FBXO3: variants seen among roughly 807,000 people sequenced by gnomAD.
FBXO3 encodes the protein F-box only protein 3.
FBXO3 carries 17 observed loss-of-function variants against 64.8 expected under a neutral mutation model. The ratio of observed to expected loss-of-function variants is 0.26; its 90% CI spans 0.18 to 0.39. The LOEUF (loss-of-function observed/expected upper bound fraction) is 0.39, where lower values mean the gene tolerates loss of function less well. FBXO3 is among the 10% of genes least tolerant of loss of function. The probability of loss-of-function intolerance (pLI) is 1.00; values close to 1 mark genes in which losing one functional copy is unlikely to be tolerated. For missense variants in FBXO3, 420 were observed against 589.9 expected (o/e 0.71, Z 2.98); for synonymous variants, 182 against 201.6 (o/e 0.90, Z 0.82).
intron 3 of FBXO3, among the ~76,000 whole-genome samples, chr11:33,766,310 T>C (rs1015350176): frequency 2.0e-5 from 3 of 152,230 alleles, no homozygotes; most frequent in Non-Finnish European, 4.4e-5. Context: ...TTTCTTCAAC[T>C]TACTAGCATA....
At chr11:33,762,266 G>T (rs1260374174) in intron 3 of FBXO3, among the ~76,000 whole-genome samples, 1 of 152,178 alleles carries the variant, frequency 6.6e-6, no homozygotes, top group Non-Finnish European at 1.5e-5. Context: ...CAGTAAGAGT[G>T]TAGAAGATTT....
intron 4 of FBXO3, among the ~76,000 whole-genome samples, chr11:33,757,669 A>AAAAAAAAAAAAAAAAG (rs1855139533): frequency 7.0e-6 from 1 of 143,022 alleles, no homozygotes; most frequent in Non-Finnish European, 1.5e-5. Context: ...AAAAAAAAAA[A>AAAAAAAAAAAAAAAAG]AAAAAAAAAA....
chr11:33,747,913 T>A (rs1349774344), intron 9 of FBXO3, among the ~76,000 whole-genome samples: 1 of 151,982 alleles, frequency 6.6e-6, no homozygotes, highest in Non-Finnish European at 1.5e-5. Context: ...CATGTTTCTT[T>A]TTCAAAAAGC....
chr11:33,751,698 A>G, intron 6 of FBXO3, 91 bp from the exon 7 acceptor site: 1 of 657,096 alleles, frequency 1.5e-6, no homozygotes, highest in Non-Finnish European at 2.6e-6. Flanking sequence ...TATGCTTTAG[A>G]ATGTGATACC....
At position 33,747,176 on chromosome 11, in the gene FBXO3, C is replaced by T. The variant is rs768286240; in HGVS notation, c.1193G>A (p.Arg398Gln). The T allele has an allele frequency of 1.7e-5, 27 of 1,609,554 alleles. No homozygotes were observed. Among genetic ancestry groups the T allele is most frequent in the Middle Eastern group, 1.7e-4 (1 of 6,034 alleles). The change falls in exon 10 of 11, where the codon CGA becomes CAA. Residue 398 changes from arginine to glutamine, a missense_variant. Coordinates refer to ENST00000265651, the MANE Select transcript of FBXO3 (RefSeq NM_012175.4). ...KDKIFNVAIP[R>Q]FHMACPTFRV... ...GAATGTTGGACATGCCATATGGAAT[C>T]GGGGAATGGCAACATTAAAGATCTT... is the stretch of plus-strand genomic sequence containing the variant.
chr11:33,763,203 T>G, intron 3 of FBXO3: 1 of 423,432 alleles, frequency 2.4e-6, no homozygotes, highest in Admixed American at 2.5e-5. Context: ...AGACCAAGCT[T>G]ACATAAACTC....
At chr11:33,761,001 T>C (rs1310479856) in intron 3 of FBXO3, among the ~76,000 whole-genome samples, 1 of 152,088 alleles carries the variant, frequency 6.6e-6, no homozygotes, top group African/African-American at 2.4e-5. Context: ...ACAAAAACAA[T>C]AAATCAAAAG....
chr11:33,757,515 TA>T (rs35494216), intron 4 of FBXO3, among the ~76,000 whole-genome samples: 2,993 of 97,340 alleles, frequency 0.031, 102 homozygotes, highest in African/African-American at 0.097. Flanking sequence ...AAACAAATCT[TA>T]AAAAAAAAAA....
intron 3 of FBXO3, among the ~76,000 whole-genome samples, chr11:33,766,769 G>A (rs1385748190): frequency 6.6e-6 from 1 of 152,182 alleles, no homozygotes. Context: ...GAGGTGAGCA[G>A]CTAGGTTCCT....
intron 3 of FBXO3, among the ~76,000 whole-genome samples, chr11:33,762,988 C>A (rs1042110071): frequency 6.6e-6 from 1 of 152,106 alleles, no homozygotes; most frequent in Non-Finnish European, 1.5e-5. Flanking sequence ...TGAAAAACTT[C>A]ATGTCAATAG....
intron 9 of FBXO3, 143 bp downstream of exon 9, chr11:33,748,634 C>T (rs1854875734): frequency 1.1e-5 from 5 of 460,516 alleles, no homozygotes; most frequent in Non-Finnish European, 1.9e-5. Flanking sequence ...ATTAAGTTTG[C>T]TATTATTTCA....
At chr11:33,758,376 A>G in intron 4 of FBXO3, 111 bp downstream of exon 4, 2 of 634,472 alleles carry the variant, frequency 3.2e-6, no homozygotes, top group Non-Finnish European at 5.0e-6. Context: ...GAAAGAGGGA[A>G]TTCCCATGCT....
At chr11:33,758,349 T>A in intron 4 of FBXO3, 138 bp downstream of exon 4, 1 of 514,228 alleles carries the variant, frequency 1.9e-6, no homozygotes, top group Non-Finnish European at 3.3e-6. Flanking sequence ...TTTTGTCTTA[T>A]GGATTGCTAT....
chr11:33,754,409 T>C lies in FBXO3; in HGVS notation c.724+46A>G, dbSNP rs766549364. 25 of 1,488,720 alleles carry C rather than the reference T, an allele frequency of 1.7e-5. No individual in the cohort carries two copies. In the South Asian group the frequency reaches 2.5e-4, roughly 15 times the overall value. 92.2% of individuals were successfully genotyped at this position (1,488,720 alleles called of 1,614,324 possible). A position where few individuals can be genotyped will look rare whatever the true frequency, so the allele number is the denominator to read the frequency against. On this transcript the variant is annotated intron_variant, in intron 6 of 10. Transcript: ENST00000265651. The stretch of plus-strand genomic sequence containing the variant: ...TTACCATTTTAATTTTTTTATTATA[T>C]CCAGGAAGAAGAAGAAGGGGGAAAA...
intron 4 of FBXO3, among the ~76,000 whole-genome samples, chr11:33,758,020 A>G (rs552120352): frequency 6.6e-6 from 1 of 152,230 alleles, no homozygotes; most frequent in East Asian, 1.9e-4. Context: ...TAAACAGGCC[A>G]TTCAATTATA....
chr11:33,756,072 A>G (rs536537212), intron 4 of FBXO3, 97 bp from the exon 5 acceptor site: 19 of 877,346 alleles, frequency 2.2e-5, no homozygotes, highest in South Asian at 1.9e-4. Context: ...TCACAACTTT[A>G]TAAGTACTAA....
At position 33,774,520 on chromosome 11, in the gene FBXO3, T is replaced by G; in HGVS notation, c.-23A>C. 2 of 1,458,206 alleles carry G rather than the reference T, an allele frequency of 1.4e-6. No homozygotes were observed. Among genetic ancestry groups the G allele is most frequent in the Non-Finnish European group, 1.8e-6 (2 of 1,105,162 alleles). The allele number at this position is 1,458,206 out of a possible 1,614,324, so 90.3% of individuals were successfully genotyped here. A position where few individuals can be genotyped will look rare whatever the true frequency, so the allele number is the denominator to read the frequency against. On this transcript the variant is annotated 5_prime_UTR_variant, in exon 1 of 11. Transcript: ENST00000265651. ...CATCTTGCCTGGCCCGGTGCAGGTC[T>G]GGCCCCGCCCTGGCCCCGCCCCTGC...
chr11:33,774,450 C>A lies in FBXO3; in HGVS notation c.48G>T (p.Leu16=). Residue 16 remains leucine (L), a synonymous_variant, in exon 1 of 11, where the codon CTG becomes CTT. Coordinates refer to ENST00000265651, the MANE Select transcript of FBXO3 (RefSeq NM_012175.4). The part of the protein sequence containing the change: ...TETAPLTLES[L]PTDPLLLILS... ...AGATGAGGAGCAGGGGATCGGTGGG[C>A]AGCGACTCTAGGGTCAGCGGCGCCG... The A allele has an allele frequency of 6.2e-7, 1 of 1,601,318 alleles. No individual in the cohort carries two copies. Among genetic ancestry groups the A allele is most frequent in the Non-Finnish European group, 8.5e-7 (1 of 1,174,246 alleles).
At chr11:33,757,662 A>AAAAAAAAAAAAAAAAG (rs1855138922) in intron 4 of FBXO3, among the ~76,000 whole-genome samples, 1 of 129,446 alleles carries the variant, frequency 7.7e-6, no homozygotes, top group African/African-American at 3.0e-5. Flanking sequence ...CTCTTAAAAA[A>AAAAAAAAAAAAAAAAG]AAAAAAAAAA....
Sources: gnomAD v4.1 joint callset for allele counts (sites outside exome capture counted in the v4.1 genomes callset) on GRCh38, gnomAD v4.1.1 for gene constraint, MANE v1.5 for transcripts, NCBI Gene and HGNC (gene_info 2026-07-23, HGNC 2026-07-21) for gene names.